Variants in USP34 observed in about 807,000 individuals in gnomAD.
USP34 encodes ubiquitin specific peptidase 34.
USP34 carries 70 observed loss-of-function variants against 460.3 expected under a neutral mutation model. The ratio of observed to expected loss-of-function variants is 0.15; its 90% CI spans 0.13 to 0.19. USP34 has a LOEUF of 0.19. USP34 is among the 10% of genes least tolerant of loss of function. The probability of loss-of-function intolerance (pLI) is 1.00; values close to 1 mark genes in which losing one functional copy is unlikely to be tolerated. For missense variants in USP34, 3,985 were observed against 4,236.2 expected (o/e 0.94, Z 1.65); for synonymous variants, 1,647 against 1,405.3 (o/e 1.17, Z -3.85).
In USP34 at chr2:61,194,003, TA is replaced by T. The variant is rs1034610950; in HGVS notation, c.9509-1024del. 437 of 547,392 alleles carry T rather than the reference TA, an allele frequency of 8.0e-4. 1 individual carries two copies. The highest frequency in any genetic ancestry group is 1.9e-3 in the African/African-American group (91 of 48,550). 33.9% of individuals were successfully genotyped at this position (547,392 alleles called of 1,614,324 possible). On this transcript the variant is annotated intron_variant, in intron 75 of 79. Transcript: ENST00000398571. ...TTTCATGTCAGAAAATATTCTATAT[TA>T]AAAAAAAATTTAAAAATATGAAAAC... is the stretch of plus-strand genomic sequence containing the variant.
rs796989860 is a variant in USP34, at chr2:61,397,443, A to G, written c.553-2210T>C. 9.0e-3 allele frequency among the ~76,000 whole-genome samples: 325 copies of G among 35,990 alleles called. 1 individual carries two copies. The highest frequency in any genetic ancestry group is 0.024 in the African/African-American group (313 of 12,948). 23.6% of individuals were successfully genotyped at this position (35,990 alleles called of 152,430 possible). The stretch of plus-strand genomic sequence containing the variant: ...GGGAGACAAAATGAGGCTCCATCTA[A>G]AAAAAAAAAAAAAAAAATTCACGCT... On this transcript the variant is annotated intron_variant, in intron 3 of 79. Transcript: ENST00000398571.
At chr2:61,315,407 C>T (rs571402966) in intron 23 of USP34, among the ~76,000 whole-genome samples, 1 of 151,450 alleles carries the variant, frequency 6.6e-6, no homozygotes, top group South Asian at 2.1e-4. Flanking sequence ...GAGTCTCACT[C>T]ACTTGCCCAG....
chr2:61,380,019 C>A (rs972595402), intron 7 of USP34, 150 bp downstream of exon 7: 1 of 585,944 alleles, frequency 1.7e-6, no homozygotes, highest in South Asian at 4.3e-5. Flanking sequence ...AAGAGAAACA[C>A]AGAAATTATT....
chr2:61,466,059 T>C (rs1695753017), intron 1 of USP34, among the ~76,000 whole-genome samples: 1 of 152,044 alleles, frequency 6.6e-6, no homozygotes, highest in South Asian at 2.1e-4. Flanking sequence ...GGGAGAGATT[T>C]GTTAAAGAAT....
chr2:61,221,288 A>C (rs1409987879), intron 66 of USP34, among the ~76,000 whole-genome samples: 1 of 152,180 alleles, frequency 6.6e-6, no homozygotes, highest in Non-Finnish European at 1.5e-5. Flanking sequence ...AGGGGAATGA[A>C]AACTTCAAAT....
At chr2:61,304,349 G>T (rs1180766320) in intron 27 of USP34, among the ~76,000 whole-genome samples, 1 of 152,200 alleles carries the variant, frequency 6.6e-6, no homozygotes, top group African/African-American at 2.4e-5. Context: ...GCAATGACTA[G>T]CAATTTATTT....
intron 1 of USP34, among the ~76,000 whole-genome samples, chr2:61,461,400 A>G (rs1450696121): frequency 2.0e-5 from 3 of 152,038 alleles, no homozygotes; most frequent in Non-Finnish European, 2.9e-5. Flanking sequence ...CCTCAAAAAA[A>G]TAAAAAAAAA....
At chr2:61,308,075 T>A (rs536630675) in intron 27 of USP34, among the ~76,000 whole-genome samples, 1 of 150,874 alleles carries the variant, frequency 6.6e-6, no homozygotes, top group East Asian at 1.9e-4. Flanking sequence ...AAAAACAAAG[T>A]AACAGAAAGA....
chr2:61,450,460 C>T (rs1366258017), intron 1 of USP34, among the ~76,000 whole-genome samples: 1 of 151,906 alleles, frequency 6.6e-6, no homozygotes, highest in Non-Finnish European at 1.5e-5. Context: ...TGGCAAAACC[C>T]CAATTATTTT....
chr2:61,402,623 A>G (rs1693755606), intron 3 of USP34, among the ~76,000 whole-genome samples: 1 of 152,206 alleles, frequency 6.6e-6, no homozygotes, highest in Non-Finnish European at 1.5e-5. Context: ...TCAAAATACT[A>G]ACACATGAGT....
intron 8 of USP34, among the ~76,000 whole-genome samples, chr2:61,373,836 C>G (rs963467448): frequency 1.3e-5 from 2 of 152,118 alleles, no homozygotes; most frequent in East Asian, 3.9e-4. Flanking sequence ...TACTGGTTGA[C>G]TCTATTTTCT....
At chr2:61,199,389 G>T (rs1480421966) in intron 75 of USP34, among the ~76,000 whole-genome samples, 1 of 152,076 alleles carries the variant, frequency 6.6e-6, no homozygotes, top group East Asian at 1.9e-4. Flanking sequence ...CCGAGTAGCT[G>T]GGATTTCAAG....
intron 2 of USP34, among the ~76,000 whole-genome samples, chr2:61,410,901 A>G (rs1460962477): frequency 6.6e-6 from 1 of 152,226 alleles, no homozygotes; most frequent in African/African-American, 2.4e-5. Context: ...ACTTAAGAAC[A>G]TAAGATATCT....
At chr2:61,373,607 C>T (rs1338192202) in intron 8 of USP34, among the ~76,000 whole-genome samples, 1 of 152,036 alleles carries the variant, frequency 6.6e-6, no homozygotes, top group Non-Finnish European at 1.5e-5. Flanking sequence ...ATGGACCTAA[C>T]AAAAGAATTC....
chr2:61,391,427 G>C (rs193225375), intron 5 of USP34, among the ~76,000 whole-genome samples: 64 of 152,278 alleles, frequency 4.2e-4, no homozygotes, highest in Admixed American at 9.8e-4. Flanking sequence ...CTGAATGTGT[G>C]ATTTAGTATA....
chr2:61,231,990 A>G (rs1228627767), intron 58 of USP34, among the ~76,000 whole-genome samples: 1 of 151,982 alleles, frequency 6.6e-6, no homozygotes, highest in African/African-American at 2.4e-5. Context: ...AGTAATATTT[A>G]AATTTCATTG....
In USP34 at chr2:61,423,295, A is replaced by G. The variant is rs377764957; in HGVS notation, c.44-2462T>C. Among the ~76,000 whole-genome samples the G allele has an allele frequency of 6.6e-5, 10 of 152,180 alleles. No individual in the cohort carries two copies. The East Asian group carries it at 1.7e-3, about 27-fold the overall frequency. On this transcript the variant is annotated intron_variant, in intron 1 of 79. Transcript: ENST00000398571. ...CGCCTGGCTAGTTTTTGTATTTTGT[A>G]GAGAGGGAGTTTCACCATGATGGCC...
chr2:61,192,580 G>T (rs964413020), intron 76 of USP34, among the ~76,000 whole-genome samples: 6 of 152,204 alleles, frequency 3.9e-5, no homozygotes, highest in Admixed American at 6.5e-5. Context: ...GGAAGAAGTG[G>T]CAAGTGCCTT....
chr2:61,334,098 T>A, intron 18 of USP34, 127 bp from the exon 19 acceptor site: 1 of 571,626 alleles, frequency 1.7e-6, no homozygotes, highest in Non-Finnish European at 2.8e-6. Context: ...ACACAAACAT[T>A]AAACTTTTTT....
Sources: allele counts gnomAD v4.1 joint callset (sites outside exome capture counted in the v4.1 genomes callset), GRCh38; gene constraint gnomAD v4.1.1; transcripts MANE v1.5; gene names NCBI Gene and HGNC (gene_info 2026-07-23, HGNC 2026-07-21).